Variants in DTX4 observed in about 807,000 individuals in gnomAD.
DTX4 encodes the protein deltex E3 ubiquitin ligase 4.
Under a neutral mutation model 57.6 loss-of-function variants are expected in DTX4, and 28 were observed. The ratio of observed to expected loss-of-function variants is 0.49; its 90% CI spans 0.36 to 0.67. The LOEUF (loss-of-function observed/expected upper bound fraction) is 0.67. DTX4 is among the 30% of genes least tolerant of loss of function. DTX4 has a pLI of 0.00. For missense variants in DTX4, 715 were observed against 836.8 expected (o/e 0.85, Z 1.80); for synonymous variants, 316 against 331.0 (o/e 0.95, Z 0.49).
Position 59,192,272 on chromosome 11 carries a change from TCCTGCCAC to T in DTX4, c.1374+26_1374+33del, listed in dbSNP as rs376329930. The T allele has an allele frequency of 9.4e-4, 1,518 of 1,613,426 alleles. 19 individuals carry two copies. In the South Asian group the frequency reaches 0.016, roughly 17 times the overall value. On this transcript the variant is annotated intron_variant, in intron 6 of 8. Coordinates refer to ENST00000227451, the MANE Select transcript of DTX4 (RefSeq NM_015177.2). Reference sequence around the variant, plus strand: ...CAAGGTCAGTGCCAGCCTATGGGGCTCCTGCCACCCTTCACACTGGGCTCTGGAGTAGC... The same window carrying T: ...CAAGGTCAGTGCCAGCCTATGGGGCTCCTTCACACTGGGCTCTGGAGTAGC...
chr11:59,188,180 A>G (rs1193396560), intron 2 of DTX4, among the ~76,000 whole-genome samples: 1 of 152,108 alleles, frequency 6.6e-6, no homozygotes, highest in Non-Finnish European at 1.5e-5. Flanking sequence ...TGTAGAGCCT[A>G]GATTCTAGAA....
Position 59,191,145 on chromosome 11 carries a change from T to C in DTX4, c.1191T>C (p.Tyr397=). 1.3e-6 allele frequency: 2 copies of C among 1,574,188 alleles called. No homozygotes were observed. Among genetic ancestry groups the C allele is most frequent in the Non-Finnish European group, 1.7e-6 (2 of 1,159,820 alleles). Residue 397 remains tyrosine (Y), a synonymous_variant, in exon 5 of 9, where the codon TAT becomes TAC. Coordinates refer to ENST00000227451, the MANE Select transcript of DTX4 (RefSeq NM_015177.2). ...CCCCAGAGGAAGTGCTAAAAAAATA[T>C]CTACAGAAAGTCCGGCACCCACCAG... The part of the protein sequence containing the change: ...GKTPEEVLKK[Y]LQKVRHPPDE...
intron 2 of DTX4, among the ~76,000 whole-genome samples, chr11:59,187,118 G>C (rs1190952167): frequency 6.6e-6 from 1 of 152,234 alleles, no homozygotes; most frequent in African/African-American, 2.4e-5. Context: ...TCCCGTTGCA[G>C]CTTTCCCCAT....
intron 4 of DTX4, among the ~76,000 whole-genome samples, chr11:59,189,861 C>T (rs951657898): frequency 1.3e-5 from 2 of 152,188 alleles, no homozygotes; most frequent in African/African-American, 4.8e-5. Flanking sequence ...CTCCTACCTG[C>T]AGGCAATCCG....
At position 59,172,801 on chromosome 11, in the gene DTX4, A is replaced by T. The variant is rs769904586; in HGVS notation, c.206A>T (p.Asp69Val). 2.3e-5 allele frequency: 36 copies of T among 1,572,132 alleles called. No homozygotes were observed. The highest frequency in any genetic ancestry group is 2.9e-5 in the Non-Finnish European group (34 of 1,159,276). Residue 69 changes from aspartate (D) to valine (V), a missense_variant, in exon 1 of 9, where the codon GAC (aspartate) becomes GTC (valine). Transcript: ENST00000227451. Reference protein sequence around the residue: ...DLQSMNQFRQDTGTLRPVRRN... With the variant: ...DLQSMNQFRQVTGTLRPVRRN... ...CAGTCCATGAACCAGTTCCGCCAAGACACGGGTGAGCCAGCCGCCCCTGAC... is the reference window on the plus strand; with the variant it reads ...CAGTCCATGAACCAGTTCCGCCAAGTCACGGGTGAGCCAGCCGCCCCTGAC...
chr11:59,188,120 G>T (rs889042593), intron 2 of DTX4, among the ~76,000 whole-genome samples: 38 of 152,158 alleles, frequency 2.5e-4, no homozygotes, highest in African/African-American at 9.2e-4. Flanking sequence ...TCAATTGAAT[G>T]CCTACTAGTG....
At position 59,190,110 on chromosome 11, in the gene DTX4, T is replaced by C. The variant is rs1862578110; in HGVS notation, c.1159+787T>C. Among the ~76,000 whole-genome samples the C allele has an allele frequency of 1.3e-5, 2 of 152,232 alleles. 1 individual carries two copies. The highest frequency in any genetic ancestry group is 4.1e-4 in the South Asian group (2 of 4,834). On this transcript the variant is annotated intron_variant, in intron 4 of 8. Coordinates refer to ENST00000227451, the MANE Select transcript of DTX4 (RefSeq NM_015177.2). ...ATTCTTACAAGAGAAGCAGGGCAAC[T>C]GGAGGAAAGGGCCTGCATCGAAGCT...
Position 59,204,784 on chromosome 11 carries a change from A to G in DTX4, c.1735A>G (p.Lys579Glu). 1 of 1,613,538 alleles carries G rather than the reference A, an allele frequency of 6.2e-7. No homozygotes were observed. Among genetic ancestry groups the G allele is most frequent in the Non-Finnish European group, 8.5e-7 (1 of 1,179,698 alleles). ...CGTCATCTGGAATGAGGTCCACCAC[A>G]AGACAGAGTTTGGCTCTAATCTCAC... Reference protein sequence around the residue: ...DTVIWNEVHHKTEFGSNLTGH... With the variant: ...DTVIWNEVHHETEFGSNLTGH... Residue 579 changes from lysine (K) to glutamate (E), a missense_variant, in exon 9 of 9, where the codon AAG becomes GAG. Coordinates refer to ENST00000227451, the MANE Select transcript of DTX4 (RefSeq NM_015177.2).
At chr11:59,174,347 G>A (rs140431906) in intron 1 of DTX4, among the ~76,000 whole-genome samples, 111 of 151,910 alleles carry the variant, frequency 7.3e-4, no homozygotes, top group African/African-American at 2.4e-3. Context: ...ATGTCATTGC[G>A]CAACTTGGGT....
chr11:59,197,167 A>G (rs1189611419), intron 7 of DTX4, among the ~76,000 whole-genome samples: 1 of 152,226 alleles, frequency 6.6e-6, no homozygotes, highest in African/African-American at 2.4e-5. Context: ...AAGGTGCTCA[A>G]TACCTGGTCG....
intron 3 of DTX4, 104 bp downstream of exon 3, chr11:59,188,900 G>A: frequency 8.7e-7 from 1 of 1,154,840 alleles, no homozygotes; most frequent in South Asian, 1.4e-5. Flanking sequence ...AGATATTAAT[G>A]AAAGCAAATG....
intron 1 of DTX4, among the ~76,000 whole-genome samples, chr11:59,176,649 T>A (rs749809008): frequency 2.0e-5 from 3 of 152,208 alleles, no homozygotes; most frequent in Non-Finnish European, 4.4e-5. Flanking sequence ...GTCACTTACA[T>A]AGATGTGTGT....
chr11:59,195,588 G>A lies in DTX4; in HGVS notation c.1536+219G>A, dbSNP rs76624717. Reference sequence around the variant, plus strand: ...CTTTGTGCACACACAACAGAAAATCGCATCCACCCTTCCCTTTTTTTTTTC... The same window carrying A: ...CTTTGTGCACACACAACAGAAAATCACATCCACCCTTCCCTTTTTTTTTTC... On this transcript the variant is annotated intron_variant, in intron 7 of 8. Transcript: ENST00000227451. Among the ~76,000 whole-genome samples, 1,448 of 151,770 alleles carry A rather than the reference G, an allele frequency of 9.5e-3. 24 individuals are homozygous for A. The highest frequency in any genetic ancestry group is 0.034 in the African/African-American group (1,394 of 41,412).
At chr11:59,177,647 A>G (rs541765701) in intron 1 of DTX4, among the ~76,000 whole-genome samples, 1 of 152,306 alleles carries the variant, frequency 6.6e-6, no homozygotes, top group Non-Finnish European at 1.5e-5. Context: ...CAATCTGCCA[A>G]ACAGAGGCTA....
intron 1 of DTX4, among the ~76,000 whole-genome samples, chr11:59,173,507 A>G (rs1465405877): frequency 6.6e-6 from 1 of 152,158 alleles, no homozygotes; most frequent in Non-Finnish European, 1.5e-5. Flanking sequence ...AGATGGAGAG[A>G]GGAGGGGGAG....
chr11:59,185,885 A>G lies in DTX4; in HGVS notation c.936-2850A>G, dbSNP rs954904921. On this transcript the variant is annotated intron_variant, in intron 2 of 8. Transcript: ENST00000227451. ...GTTCCTAAATCCTCACAGGGACCCC[A>G]TGGGGCAGACATTTAGGATGCCCTG... 2.6e-5 allele frequency among the ~76,000 whole-genome samples: 4 copies of G among 152,282 alleles called. No homozygotes were observed. In the South Asian group the frequency reaches 6.2e-4, roughly 24 times the overall value.
chr11:59,173,068 C>G (rs1211194897), intron 1 of DTX4, among the ~76,000 whole-genome samples: 1 of 152,208 alleles, frequency 6.6e-6, no homozygotes, highest in African/African-American at 2.4e-5. Flanking sequence ...CCACTCCCCA[C>G]CCCTTTCATG....
intron 8 of DTX4, 21 bp downstream of exon 8, chr11:59,199,794 A>C (rs374228158): frequency 2.2e-5 from 34 of 1,548,680 alleles, no homozygotes; most frequent in Non-Finnish European, 2.9e-5. Flanking sequence ...AAGTTTCCAC[A>C]TAGAACTAGG....
chr11:59,204,267 G>A (rs775035993), intron 8 of DTX4, among the ~76,000 whole-genome samples: 9 of 152,138 alleles, frequency 5.9e-5, no homozygotes, highest in Non-Finnish European at 1.3e-4. Flanking sequence ...GATCATAAGC[G>A]CCTTCAACTC....
Sources: gnomAD v4.1 joint callset for allele counts (sites outside exome capture counted in the v4.1 genomes callset) on GRCh38, gnomAD v4.1.1 for gene constraint, MANE v1.5 for transcripts, NCBI Gene and HGNC (gene_info 2026-07-23, HGNC 2026-07-21) for gene names.